Variants in COL23A1 observed in about 807,000 individuals in gnomAD.
COL23A1 encodes the protein collagen alpha-1(XXIII) chain.
Under a neutral mutation model 99.3 loss-of-function variants are expected in COL23A1, and 97 were observed. The observed-to-expected ratio is 0.98, with a 90% CI of 0.83 to 1.16. The LOEUF is 1.16. COL23A1 is among the 50% of genes most tolerant of loss of function. COL23A1 has a pLI of 0.00. For missense variants in COL23A1, 762 were observed against 757.4 expected (o/e 1.01, Z -0.07); for synonymous variants, 320 against 308.2 (o/e 1.04, Z -0.40).
At chr5:178,295,968 C>T (rs1472857063) in intron 3 of COL23A1, among the ~76,000 whole-genome samples, 2 of 152,190 alleles carry the variant, frequency 1.3e-5, no homozygotes, top group East Asian at 1.9e-4. Flanking sequence ...GTAGGGGGGC[C>T]AAATGGCCAG....
chr5:178,284,951 T>C (rs1051507595), intron 5 of COL23A1, among the ~76,000 whole-genome samples: 2 of 152,186 alleles, frequency 1.3e-5, no homozygotes, highest in African/African-American at 4.8e-5. Context: ...GTGGCAGAAT[T>C]AGAGATGCTT....
chr5:178,469,292 G>A (rs1561999049), intron 2 of COL23A1, among the ~76,000 whole-genome samples: 2 of 152,184 alleles, frequency 1.3e-5, no homozygotes, highest in Admixed American at 1.3e-4. Context: ...CTTTGAACAT[G>A]ATTAGGCAGG....
intron 2 of COL23A1, among the ~76,000 whole-genome samples, chr5:178,417,426 G>A (rs1765371042): frequency 6.6e-6 from 1 of 152,148 alleles, no homozygotes; most frequent in African/African-American, 2.4e-5. Context: ...TAAAGAATCT[G>A]ACCTCTTTCT....
At chr5:178,263,654 C>G (rs1415695661) in intron 8 of COL23A1, among the ~76,000 whole-genome samples, 1 of 152,212 alleles carries the variant, frequency 6.6e-6, no homozygotes, top group African/African-American at 2.4e-5. Context: ...GCTGCCCCCT[C>G]TTCTTTCTAG....
At chr5:178,361,801 G>A (rs1049407072) in intron 2 of COL23A1, among the ~76,000 whole-genome samples, 2 of 152,146 alleles carry the variant, frequency 1.3e-5, no homozygotes, top group African/African-American at 2.4e-5. Flanking sequence ...CCATGCACCG[G>A]CTCTCACTGT....
At chr5:178,269,208 T>TA (rs148091074) in intron 6 of COL23A1, among the ~76,000 whole-genome samples, 204 of 143,320 alleles carry the variant, frequency 1.4e-3, no homozygotes, top group Middle Eastern at 7.4e-3. Context: ...TCTTATTTCT[T>TA]AAAAAAAAAA....
At chr5:178,361,819 TGCA>T (rs1311120294) in intron 2 of COL23A1, among the ~76,000 whole-genome samples, 2 of 152,314 alleles carry the variant, frequency 1.3e-5, no homozygotes, top group Non-Finnish European at 2.9e-5. Context: ...TGTCTCCTGC[TGCA>T]GATGAGCTAA....
intron 2 of COL23A1, among the ~76,000 whole-genome samples, chr5:178,482,424 CAGAAAGT>C (rs1477128364): frequency 6.6e-6 from 1 of 151,898 alleles, no homozygotes; most frequent in Non-Finnish European, 1.5e-5. Context: ...CTCATATAGA[CAGAAAGT>C]AGAACGGGGG....
intron 2 of COL23A1, among the ~76,000 whole-genome samples, chr5:178,369,737 A>G (rs1372706531): frequency 1.6e-5 from 2 of 127,876 alleles, no homozygotes; most frequent in Non-Finnish European, 3.1e-5. Context: ...TTCTGCCATG[A>G]TTGTAAGGCC....
At chr5:178,382,098 C>CG (rs531692411) in intron 2 of COL23A1, among the ~76,000 whole-genome samples, 100 of 132,618 alleles carry the variant, frequency 7.5e-4, no homozygotes, top group Non-Finnish European at 1.2e-3. Context: ...CTGGAATCTT[C>CG]GGGGGGAATG....
At chr5:178,251,904 C>A (rs1381446300) in intron 17 of COL23A1, among the ~76,000 whole-genome samples, 1 of 111,132 alleles carries the variant, frequency 9.0e-6, no homozygotes, top group Non-Finnish European at 1.9e-5. Context: ...CTTTCATTTT[C>A]TTTTCTTTTT....
intron 2 of COL23A1, among the ~76,000 whole-genome samples, chr5:178,503,627 C>T (rs184429182): frequency 1.3e-5 from 2 of 152,056 alleles, no homozygotes; most frequent in Non-Finnish European, 2.9e-5. Flanking sequence ...CGTATGTAAA[C>T]GCATGTGTGT....
chr5:178,586,929 G>A (rs1562117034), intron 1 of COL23A1, among the ~76,000 whole-genome samples: 2 of 152,186 alleles, frequency 1.3e-5, no homozygotes, highest in South Asian at 4.1e-4. Flanking sequence ...AACTTTACTC[G>A]AGTCTCTGGG....
chr5:178,283,824 G>A (rs1043706343), intron 5 of COL23A1, among the ~76,000 whole-genome samples: 4 of 152,166 alleles, frequency 2.6e-5, no homozygotes, highest in South Asian at 2.1e-4. Context: ...AGGAAAAAGC[G>A]CTCATGATAA....
intron 2 of COL23A1, among the ~76,000 whole-genome samples, chr5:178,502,571 G>C (rs1052735639): frequency 1.3e-5 from 2 of 152,152 alleles, no homozygotes; most frequent in African/African-American, 4.8e-5. Flanking sequence ...ATAATTCATA[G>C]GCCATTTACA....
chr5:178,358,041 T>TATGTGTATGC (rs1561895789), intron 2 of COL23A1, among the ~76,000 whole-genome samples: 6 of 68,406 alleles, frequency 8.8e-5, no homozygotes, highest in South Asian at 5.3e-4. Flanking sequence ...TATGTGTATG[T>TATGTGTATGC]GTATGTATGT....
In COL23A1 at chr5:178,392,007, T is replaced by C. The variant is rs549166276; in HGVS notation, c.362-85088A>G. ...CACGTATTATATGATCCTATTTATA[T>C]GAAATGTCTGGAATAGGGAAATCTG... On this transcript the variant is annotated intron_variant, in intron 2 of 28. Transcript: ENST00000390654. Among the ~76,000 whole-genome samples, 14 of 152,274 alleles carry C rather than the reference T, an allele frequency of 9.2e-5. No individual in the cohort carries two copies. The South Asian group carries it at 2.7e-3, about 29-fold the overall frequency.
chr5:178,397,227 C>T (rs759778847), intron 2 of COL23A1, among the ~76,000 whole-genome samples: 33 of 152,340 alleles, frequency 2.2e-4, no homozygotes, highest in Non-Finnish European at 4.1e-4. Flanking sequence ...CCAACATCCA[C>T]TCAGCACTTC....
At chr5:178,315,451 A>G (rs1331744556) in intron 2 of COL23A1, among the ~76,000 whole-genome samples, 2 of 152,230 alleles carry the variant, frequency 1.3e-5, no homozygotes, top group African/African-American at 4.8e-5. Flanking sequence ...AAAAACCCTG[A>G]GGCCCACAGG....
Sources: gnomAD v4.1 joint callset for allele counts (sites outside exome capture counted in the v4.1 genomes callset) on GRCh38, gnomAD v4.1.1 for gene constraint, MANE v1.5 for transcripts, NCBI Gene and HGNC (gene_info 2026-07-23, HGNC 2026-07-21) for gene names.